The following ABCC5 variants were observed in gnomAD, a reference collection of about 807,000 sequenced individuals.
ABCC5 encodes the protein ATP binding cassette subfamily C member 5.
Under a neutral mutation model 160.9 loss-of-function variants are expected in ABCC5, and 61 were observed. The ratio of observed to expected loss-of-function variants is 0.38; its 90% CI spans 0.31 to 0.47. ABCC5 has a LOEUF of 0.47. Ranked by LOEUF, ABCC5 falls within the 20% of genes least tolerant of loss-of-function variation. The pLI is 0.99. For synonymous variants in ABCC5, 666 were observed against 700.6 expected, an observed-to-expected ratio of 0.95 and a Z score of 0.78; for missense variants, 1,308 against 1,813.3, an observed-to-expected ratio of 0.72 and a Z score of 5.06.
chr3:183,977,464 T>G lies in ABCC5; in HGVS notation c.1404+53A>C, dbSNP rs535708787. The G allele has an allele frequency of 7.8e-4, 1,057 of 1,349,536 alleles. 2 individuals are homozygous for G. Among genetic ancestry groups the G allele is most frequent in the Middle Eastern group, 1.6e-3 (9 of 5,476 alleles). 83.6% of individuals were successfully genotyped at this position (1,349,536 alleles called of 1,614,324 possible). ...GTGGCCCCTTGAACAGAGCCAGCAG[T>G]TAGTTGTGTGGGGAGGGCTCCTGAC... is the stretch of plus-strand genomic sequence containing the variant. On this transcript the variant is annotated intron_variant, in intron 10 of 29. Transcript: ENST00000334444.
intron 14 of ABCC5, among the ~76,000 whole-genome samples, chr3:183,964,162 C>T (rs1163453341): frequency 6.6e-6 from 1 of 152,214 alleles, no homozygotes; most frequent in Non-Finnish European, 1.5e-5. Flanking sequence ...CCTCTGAAAT[C>T]TCCCCCAACC....
At chr3:184,002,565 C>T (rs1180455974) in intron 2 of ABCC5, among the ~76,000 whole-genome samples, 1 of 152,252 alleles carries the variant, frequency 6.6e-6, no homozygotes, top group Non-Finnish European at 1.5e-5. Flanking sequence ...GCAAAAGACG[C>T]TTCTGCGGGC....
intron 5 of ABCC5, chr3:183,984,713 C>T: frequency 6.6e-7 from 1 of 1,524,850 alleles, no homozygotes; most frequent in South Asian, 1.2e-5. Context: ...CTGTATACAG[C>T]CGGGTTGCTG....
At chr3:183,959,881 AG>A in intron 16 of ABCC5, 46 bp from the exon 17 acceptor site, 1 of 1,357,870 alleles carries the variant, frequency 7.4e-7, no homozygotes, top group Non-Finnish European at 1.0e-6. Flanking sequence ...TTAGCCATCC[AG>A]ATGAATGTCC....
intron 22 of ABCC5, among the ~76,000 whole-genome samples, chr3:183,948,854 A>C (rs1715080217): frequency 6.6e-6 from 1 of 151,990 alleles, no homozygotes; most frequent in Non-Finnish European, 1.5e-5. Flanking sequence ...GGTGCCTGCC[A>C]CCACGCCTGG....
intron 16 of ABCC5, among the ~76,000 whole-genome samples, chr3:183,961,095 C>T (rs549079581): frequency 6.6e-6 from 1 of 152,270 alleles, no homozygotes; most frequent in East Asian, 1.9e-4. Flanking sequence ...GACCTGAGTG[C>T]TTTCAAATGT....
At chr3:183,932,552 G>A (rs1453103905) in intron 26 of ABCC5, among the ~76,000 whole-genome samples, 1 of 152,220 alleles carries the variant, frequency 6.6e-6, no homozygotes, top group Non-Finnish European at 1.5e-5. Flanking sequence ...TGCAGTGAGT[G>A]TAATGAGTAG....
In ABCC5 at chr3:183,963,753, T is replaced by A. The variant is rs998205132; in HGVS notation, c.2032-165A>T. ...CCCCGCAGATGAACTGCCATGCTGATCCTTCAACGAAGTGGGGGAGTTGGC... is the reference window on the plus strand; with the variant it reads ...CCCCGCAGATGAACTGCCATGCTGAACCTTCAACGAAGTGGGGGAGTTGGC... On this transcript the variant is annotated intron_variant, in intron 14 of 29. Coordinates refer to ENST00000334444, the MANE Select transcript of ABCC5 (RefSeq NM_005688.4). The surrounding 1 kb of genome is among the most constrained non-coding windows in gnomAD (Gnocchi z 4.6). Among the ~76,000 whole-genome samples, 5 of 150,982 alleles carry A rather than the reference T, an allele frequency of 3.3e-5. No homozygotes were observed. Among genetic ancestry groups the A allele is most frequent in the African/African-American group, 9.9e-5 (4 of 40,304 alleles).
intron 15 of ABCC5, among the ~76,000 whole-genome samples, chr3:183,962,764 C>T (rs548112014): frequency 1.2e-3 from 178 of 152,102 alleles, no homozygotes; most frequent in Non-Finnish European, 1.5e-3. Flanking sequence ...TCAGGTGATC[C>T]GCCAGCCTCA....
chr3:183,924,059 AG>A (rs1289599743), intron 29 of ABCC5, among the ~76,000 whole-genome samples: 1 of 130,550 alleles, frequency 7.7e-6, no homozygotes, highest in Non-Finnish European at 1.5e-5. Flanking sequence ...TCTGTCACCC[AG>A]GCTGGAGTGC....
chr3:183,928,804 G>A lies in ABCC5; in HGVS notation c.3876C>T (p.Asn1292=), dbSNP rs1712868256. 6.2e-7 allele frequency: 1 copy of A among 1,613,964 alleles called. No homozygotes were observed. The highest frequency in any genetic ancestry group is 8.5e-7 in the Non-Finnish European group (1 of 1,180,000). Reference sequence around the variant, plus strand: ...CCCAAATCTGGTCTTCAGTGTACTGGTTGAAGGGGTCCAAATTTGATCTAG... The same window carrying A: ...CCCAAATCTGGTCTTCAGTGTACTGATTGAAGGGGTCCAAATTTGATCTAG... ...GTVRSNLDPF[N]QYTEDQIWDA... The change falls in exon 27 of 30, where the codon AAC becomes AAT. Residue 1292 remains asparagine (N), a synonymous_variant. Transcript: ENST00000334444.
At chr3:183,952,066 C>T (rs878983068) in intron 18 of ABCC5, 63 bp from the exon 19 acceptor site, 113 of 1,551,884 alleles carry the variant, frequency 7.3e-5, no homozygotes, top group Non-Finnish European at 9.2e-5. Flanking sequence ...CCCTGCTCAG[C>T]GCCATTCTCA....
intron 5 of ABCC5, chr3:183,983,681 G>A: frequency 6.3e-6 from 6 of 954,886 alleles, no homozygotes; most frequent in Non-Finnish European, 7.5e-6. Context: ...GCCACCTCCA[G>A]CTGAGGTCCT....
intron 1 of ABCC5, 79 bp from the exon 2 acceptor site, chr3:184,014,526 G>GAAAAAAAAAAAAAA (rs67088806): frequency 2.0e-6 from 1 of 512,266 alleles, no homozygotes; most frequent in African/African-American, 2.3e-5. Context: ...TTAAAAATAG[G>GAAAAAAAAAAAAAA]AAAAAAAAAA....
chr3:183,952,142 C>CTT (rs1577506491), intron 18 of ABCC5, 139 bp from the exon 19 acceptor site: 1 of 586,470 alleles, frequency 1.7e-6, no homozygotes, highest in Non-Finnish European at 2.6e-6. Context: ...CTTTGTCCAC[C>CTT]TCTTTTTTTT....
At chr3:183,936,448 T>G (rs531525870) in intron 26 of ABCC5, among the ~76,000 whole-genome samples, 2 of 152,212 alleles carry the variant, frequency 1.3e-5, no homozygotes, top group South Asian at 4.2e-4. Flanking sequence ...ACACTGCCTA[T>G]GATTATTTGA....
chr3:183,957,112 G>A (rs1313985767), intron 17 of ABCC5, among the ~76,000 whole-genome samples: 4 of 108,772 alleles, frequency 3.7e-5, no homozygotes, highest in Non-Finnish European at 3.9e-5. Flanking sequence ...ATGCGGGTCC[G>A]TGTGTACATC....
chr3:183,947,541 G>T (rs1714960756), intron 22 of ABCC5, 31 bp from the exon 23 acceptor site: 2 of 1,551,422 alleles, frequency 1.3e-6, no homozygotes, highest in African/African-American at 2.7e-5. Flanking sequence ...AATGGGCAAA[G>T]AAAGTACTAC....
intron 10 of ABCC5, among the ~76,000 whole-genome samples, chr3:183,976,771 A>G (rs1469264162): frequency 6.6e-6 from 1 of 152,180 alleles, no homozygotes; most frequent in East Asian, 1.9e-4. Context: ...ACTGGCCAAT[A>G]AAGACAAGCA....
Sources: allele counts gnomAD v4.1 joint callset (sites outside exome capture counted in the v4.1 genomes callset), GRCh38; gene constraint gnomAD v4.1.1; non-coding constraint Gnocchi (gnomAD v3.1); transcripts MANE v1.5; gene names NCBI Gene and HGNC (gene_info 2026-07-23, HGNC 2026-07-21).